The following TMPRSS11F variants were observed in gnomAD, a reference collection of about 807,000 sequenced individuals.
TMPRSS11F encodes the protein transmembrane serine protease 11F, also known as transmembrane protease serine 11F.
TMPRSS11F carries 47 observed loss-of-function variants against 60.2 expected under a neutral mutation model. That is an observed-to-expected ratio of 0.78 (90% CI 0.62 to 1.00). TMPRSS11F has a LOEUF of 1.00. TMPRSS11F is among the 50% of genes least tolerant of loss of function. TMPRSS11F has a pLI of 0.00. For missense variants in TMPRSS11F, 519 were observed against 522.9 expected (o/e 0.99, Z 0.07); for synonymous variants, 166 against 167.3 (o/e 0.99, Z 0.06).
Position 68,117,216 on chromosome 4 carries a change from T to C in TMPRSS11F, c.11+12594A>G, listed in dbSNP as rs533815845. Among the ~76,000 whole-genome samples, 202 of 151,968 alleles carry C rather than the reference T, an allele frequency of 1.3e-3. 1 individual carries two copies. The highest frequency in any genetic ancestry group is 4.8e-3 in the African/African-American group (198 of 41,464). ...GGCGCGGTGGCTCACGCTTGTAATCTCAGCACTTTGGGAGGCCGAGGGGGG... is the reference window on the plus strand; with the variant it reads ...GGCGCGGTGGCTCACGCTTGTAATCCCAGCACTTTGGGAGGCCGAGGGGGG... On this transcript the variant is annotated intron_variant, in intron 1 of 9. Coordinates refer to ENST00000356291, the MANE Select transcript of TMPRSS11F (RefSeq NM_207407.2).
At chr4:68,062,393 G>C in intron 8 of TMPRSS11F, 1 of 545,406 alleles carries the variant, frequency 1.8e-6, no homozygotes. Context: ...CTCAGTATTA[G>C]ATGTTCTTTC....
intron 7 of TMPRSS11F, among the ~76,000 whole-genome samples, chr4:68,067,123 C>G (rs1723346369): frequency 6.6e-6 from 1 of 152,010 alleles, no homozygotes; most frequent in Non-Finnish European, 1.5e-5. Context: ...TTATTATCAG[C>G]ATAAAATATG....
In TMPRSS11F at chr4:68,105,789, T is replaced by A. The variant is rs59302057; in HGVS notation, c.12-6751A>T. ...TAAAATGTATAAAAATAAATGTTTC[T>A]GAATTTCTTGCAAAATGAACAAAAT... On this transcript the variant is annotated intron_variant, in intron 1 of 9. Transcript: ENST00000356291. Among the ~76,000 whole-genome samples, 1,379 of 152,274 alleles carry A rather than the reference T, an allele frequency of 9.1e-3. 26 individuals carry two copies. Among genetic ancestry groups the A allele is most frequent in the African/African-American group, 0.032 (1,310 of 41,576 alleles).
At chr4:68,070,633 G>A (rs1723439040) in intron 5 of TMPRSS11F, among the ~76,000 whole-genome samples, 1 of 152,190 alleles carries the variant, frequency 6.6e-6, no homozygotes, top group Non-Finnish European at 1.5e-5. Flanking sequence ...AGAGACTCCA[G>A]CCATACACAA....
chr4:68,061,897 T>C (rs111872277), intron 8 of TMPRSS11F: 2 of 420,202 alleles, frequency 4.8e-6, no homozygotes, highest in African/African-American at 4.2e-5. Context: ...AATGAACTTT[T>C]AAAAAAAAAT....
At chr4:68,069,411 T>TA (rs1273521826) in intron 6 of TMPRSS11F, among the ~76,000 whole-genome samples, 1 of 151,590 alleles carries the variant, frequency 6.6e-6, no homozygotes, top group East Asian at 1.9e-4. Flanking sequence ...AAGGCTAGTT[T>TA]AAAAAAAAAT....
intron 2 of TMPRSS11F, among the ~76,000 whole-genome samples, chr4:68,096,256 G>C (rs1376494586): frequency 6.6e-6 from 1 of 152,140 alleles, no homozygotes; most frequent in Non-Finnish European, 1.5e-5. Context: ...TTCGTTTTAA[G>C]ACATTTTCTT....
intron 1 of TMPRSS11F, among the ~76,000 whole-genome samples, chr4:68,102,322 T>C (rs1272610504): frequency 1.3e-5 from 2 of 152,212 alleles, no homozygotes; most frequent in African/African-American, 2.4e-5. Context: ...TTCATTTCCT[T>C]TGAGTATAAG....
At position 68,082,404 on chromosome 4, in the gene TMPRSS11F, T is replaced by TC. The variant is rs961141744; in HGVS notation, c.282+8118dup. On this transcript the variant is annotated intron_variant, in intron 3 of 9. Transcript: ENST00000356291. ...CACAGGAACCCATCCTCCAAGGCTC[T>TC]CCCCCTTCCTCCAAATAGCTCTGAC... 5.9e-5 allele frequency among the ~76,000 whole-genome samples: 9 copies of TC among 152,156 alleles called. No individual in the cohort carries two copies. The East Asian group carries it at 1.7e-3, about 29-fold the overall frequency.
At chr4:68,118,282 ATACT>A (rs1456430205) in intron 1 of TMPRSS11F, among the ~76,000 whole-genome samples, 2 of 152,210 alleles carry the variant, frequency 1.3e-5, no homozygotes, top group Non-Finnish European at 2.9e-5. Context: ...ATGAATACAC[ATACT>A]TAAACATTAA....
rs1169003716 is a variant in TMPRSS11F, at chr4:68,098,867, A to G, written c.163+20T>C. On this transcript the variant is annotated intron_variant, in intron 2 of 9. Transcript: ENST00000356291. Reference sequence around the variant, plus strand: ...AGTCATGGAGTACTTAGGCAATGGAACTGTGACCTGGATACTTACCCTCAA... The same window carrying G: ...AGTCATGGAGTACTTAGGCAATGGAGCTGTGACCTGGATACTTACCCTCAA... 1.3e-6 allele frequency: 2 copies of G among 1,599,428 alleles called. No individual in the cohort carries two copies. The highest frequency in any genetic ancestry group is 2.3e-5 in the South Asian group (2 of 88,644).
At chr4:68,079,837 T>C (rs1723655215) in intron 3 of TMPRSS11F, among the ~76,000 whole-genome samples, 1 of 152,208 alleles carries the variant, frequency 6.6e-6, no homozygotes, top group African/African-American at 2.4e-5. Context: ...AAATAACATA[T>C]TTGAAACAAT....
chr4:68,084,734 G>A (rs1480391503), intron 3 of TMPRSS11F, among the ~76,000 whole-genome samples: 1 of 151,724 alleles, frequency 6.6e-6, no homozygotes, highest in African/African-American at 2.4e-5. Context: ...ATTTTTTTAT[G>A]TTCTTTTTTT....
At chr4:68,067,227 A>G (rs1723348239) in intron 7 of TMPRSS11F, among the ~76,000 whole-genome samples, 1 of 152,114 alleles carries the variant, frequency 6.6e-6, no homozygotes, top group Admixed American at 6.5e-5. Flanking sequence ...TCATTTAAAA[A>G]CTTCTTAAAA....
Position 68,064,616 on chromosome 4 carries a change from T to C in TMPRSS11F, c.1015+69A>G, listed in dbSNP as rs113554533. 1,470 of 1,531,640 alleles carry C rather than the reference T, an allele frequency of 9.6e-4. 15 individuals carry two copies. The African/African-American group carries it at 0.018, about 19-fold the overall frequency. The allele number at this position is 1,531,640 out of a possible 1,614,324, so 94.9% of individuals were successfully genotyped here. ...TTTATTAAAAGCTTAAGAGGGATTC[T>C]TTAAGATAGATAGCTCGTTTGATCT... On this transcript the variant is annotated intron_variant, in intron 8 of 9. Coordinates refer to ENST00000356291, the MANE Select transcript of TMPRSS11F (RefSeq NM_207407.2).
At chr4:68,063,770 A>G (rs1293347520) in intron 8 of TMPRSS11F, among the ~76,000 whole-genome samples, 1 of 152,112 alleles carries the variant, frequency 6.6e-6, no homozygotes, top group Non-Finnish European at 1.5e-5. Flanking sequence ...GATGTCTTTT[A>G]ACACCCCTAG....
intron 7 of TMPRSS11F, 100 bp downstream of exon 7, chr4:68,068,518 G>A (rs1466962881): frequency 3.0e-6 from 3 of 991,878 alleles, no homozygotes; most frequent in Admixed American, 1.9e-5. Context: ...CCTGAATGGA[G>A]CAAAGGTTAA....
chr4:68,072,349 A>G lies in TMPRSS11F; in HGVS notation c.488T>C (p.Ile163Thr). 6.3e-7 allele frequency: 1 copy of G among 1,595,656 alleles called. No individual in the cohort carries two copies. Among genetic ancestry groups the G allele is most frequent in the Non-Finnish European group, 8.5e-7 (1 of 1,170,240 alleles). Residue 163 changes from isoleucine (I) to threonine (T), a missense_variant, in exon 5 of 10, where the codon ATA (isoleucine) becomes ACA (threonine). By Grantham distance (89) the Ile-to-Thr change is moderately conservative. Transcript: ENST00000356291. ...SLKTKQLSLTINKPSFRLTPI... is the reference protein window; with the variant it reads ...SLKTKQLSLTTNKPSFRLTPI... The stretch of plus-strand genomic sequence containing the variant: ...TGTGAGTCTAAATGATGGTTTGTTT[A>G]TGGTCAAAGACAATTGTTTGGTCTT...
chr4:68,099,172 A>G (rs936253166), intron 1 of TMPRSS11F, 134 bp from the exon 2 acceptor site: 1 of 708,632 alleles, frequency 1.4e-6, no homozygotes, highest in African/African-American at 1.8e-5. Flanking sequence ...TGAAAAGAAC[A>G]GTAGGTTTTA....
Sources: allele counts gnomAD v4.1 joint callset (sites outside exome capture counted in the v4.1 genomes callset), GRCh38; gene constraint gnomAD v4.1.1; transcripts MANE v1.5; gene names NCBI Gene and HGNC (gene_info 2026-07-23, HGNC 2026-07-21).